The following LRPPRC variants were observed in gnomAD, a reference collection of about 807,000 sequenced individuals.
The protein encoded by LRPPRC is leucine rich pentatricopeptide repeat containing.
Under a neutral mutation model 180.3 loss-of-function variants are expected in LRPPRC, and 120 were observed. That is an observed-to-expected ratio of 0.67 (90% CI 0.57 to 0.77). LRPPRC has a LOEUF of 0.77. Among genes scored for constraint, LRPPRC ranks in the 30% least tolerant of loss-of-function variants. The pLI is 0.00. For missense variants in LRPPRC, 2,012 were observed against 1,657.2 expected (o/e 1.21, Z -3.72); for synonymous variants, 723 against 600.0 (o/e 1.21, Z -3.00).
chr2:43,995,298 A>G (rs1674982225), intron 1 of LRPPRC, among the ~76,000 whole-genome samples: 1 of 152,194 alleles, frequency 6.6e-6, no homozygotes, highest in African/African-American at 2.4e-5. Flanking sequence ...ATCATAATCC[A>G]GCGTCCAGCT....
At chr2:43,981,001 C>T (rs1018879094) in intron 2 of LRPPRC, among the ~76,000 whole-genome samples, 4 of 151,958 alleles carry the variant, frequency 2.6e-5, no homozygotes, top group Non-Finnish European at 5.9e-5. Flanking sequence ...TATCTCTCAC[C>T]ATCAGATTTT....
chr2:43,893,460 C>A (rs1189583227), intron 36 of LRPPRC, among the ~76,000 whole-genome samples: 1 of 152,322 alleles, frequency 6.6e-6, no homozygotes, highest in East Asian at 1.9e-4. Flanking sequence ...CCTGATCATT[C>A]AGCAGCCATC....
chr2:43,986,713 G>A (rs1316400302), intron 1 of LRPPRC, among the ~76,000 whole-genome samples: 6 of 151,888 alleles, frequency 4.0e-5, no homozygotes, highest in Non-Finnish European at 7.4e-5. Context: ...ATTCTGAGAC[G>A]GTCTCATTCT....
intron 29 of LRPPRC, among the ~76,000 whole-genome samples, chr2:43,915,171 G>A (rs1378630276): frequency 6.9e-6 from 1 of 144,304 alleles, no homozygotes; most frequent in Non-Finnish European, 1.5e-5. Flanking sequence ...TTGCGCCACT[G>A]CACTCCGGCC....
intron 36 of LRPPRC, among the ~76,000 whole-genome samples, chr2:43,892,187 G>A (rs1051085422): frequency 2.7e-4 from 41 of 152,158 alleles, no homozygotes; most frequent in Admixed American, 3.9e-4. Context: ...TGATGAAGGC[G>A]GCTACACTAA....
intron 30 of LRPPRC, among the ~76,000 whole-genome samples, chr2:43,906,213 T>C (rs1472045292): frequency 6.6e-6 from 1 of 152,208 alleles, no homozygotes; most frequent in Non-Finnish European, 1.5e-5. Flanking sequence ...CTGTACATTT[T>C]AAATAAAAAC....
At chr2:43,917,275 G>C (rs992263736) in intron 29 of LRPPRC, among the ~76,000 whole-genome samples, 7 of 151,712 alleles carry the variant, frequency 4.6e-5, no homozygotes, top group Non-Finnish European at 1.0e-4. Context: ...TCTTGACTTC[G>C]TGATCTGCCA....
rs375852490 is a variant in LRPPRC, at chr2:43,960,522, G to A, written c.1582+19C>T. The stretch of plus-strand genomic sequence containing the variant: ...GAAATAAACATCTATCAAGTTTACC[G>A]CTAATGTTGTATACTTACAAAATGA... On this transcript the variant is annotated intron_variant, in intron 13 of 37. Transcript: ENST00000260665. 2.7e-5 allele frequency: 34 copies of A among 1,276,912 alleles called. No individual in the cohort carries two copies. Among genetic ancestry groups the A allele is most frequent in the African/African-American group, 1.5e-4 (10 of 68,458 alleles). The allele number at this position is 1,276,912 out of a possible 1,614,324, so 79.1% of individuals were successfully genotyped here.
intron 29 of LRPPRC, among the ~76,000 whole-genome samples, 182 bp downstream of exon 29, chr2:43,917,843 G>C (rs182136512): frequency 1.8e-3 from 276 of 152,164 alleles, no homozygotes; most frequent in Non-Finnish European, 3.3e-3. Flanking sequence ...TCAGTCAATA[G>C]TTAAATTTTC....
At position 43,974,706 on chromosome 2, in the gene LRPPRC, A is replaced by C; in HGVS notation, c.917T>G (p.Leu306Arg). ...TTTACTGAAGCTAAAAATAATTTGC[A>C]GTAAATCACGGTCCATAAGGTGAAG... ...SELHLMDRDLLQIIFSFSKAG... is the reference protein window; with the variant it reads ...SELHLMDRDLRQIIFSFSKAG... The change falls in exon 8 of 38, where the codon CTG (leucine) becomes CGG (arginine). Residue 306 changes from leucine (L) to arginine (R), a missense_variant. Physicochemically the swap from Leu to Arg is moderately radical, Grantham distance 102 (BLOSUM62 -2). Transcript: ENST00000260665. 6.2e-7 allele frequency: 1 copy of C among 1,613,614 alleles called. No individual in the cohort carries two copies. The highest frequency in any genetic ancestry group is 8.5e-7 in the Non-Finnish European group (1 of 1,179,570).
intron 8 of LRPPRC, 25 bp downstream of exon 8, chr2:43,974,589 T>A (rs1330221940): frequency 7.0e-7 from 1 of 1,429,382 alleles, no homozygotes. Context: ...ATAAAAATCA[T>A]GTAAATAGAT....
At chr2:43,897,610 C>T (rs1670731439) in intron 34 of LRPPRC, among the ~76,000 whole-genome samples, 1 of 152,090 alleles carries the variant, frequency 6.6e-6, no homozygotes, top group Non-Finnish European at 1.5e-5. Context: ...AAGGGTTTAT[C>T]ATCTGAAACC....
chr2:43,976,923 A>C, intron 5 of LRPPRC, 71 bp downstream of exon 5: 1 of 1,255,822 alleles, frequency 8.0e-7, no homozygotes. Flanking sequence ...TTTAAAACAA[A>C]GAGTGAACAG....
chr2:43,996,005 T>TGACC (rs1252881997), upstream of LRPPRC: 15 of 1,510,250 alleles, frequency 9.9e-6, no homozygotes, highest in African/African-American at 2.0e-4. Context: ...GAGGAGCATG[T>TGACC]GACCGCAGGG....
At chr2:43,954,655 A>G (rs1305627985) in intron 14 of LRPPRC, among the ~76,000 whole-genome samples, 1 of 152,222 alleles carries the variant, frequency 6.6e-6, no homozygotes, top group Non-Finnish European at 1.5e-5. Flanking sequence ...TATATATAAT[A>G]TATATGTACA....
chr2:43,939,528 T>A (rs560199699), intron 23 of LRPPRC, among the ~76,000 whole-genome samples: 3 of 151,976 alleles, frequency 2.0e-5, no homozygotes, highest in African/African-American at 7.2e-5. Context: ...CAAACTGAAC[T>A]CCTTAAAAAC....
At chr2:43,951,441 G>T (rs1008602170) in intron 14 of LRPPRC, among the ~76,000 whole-genome samples, 1 of 152,174 alleles carries the variant, frequency 6.6e-6, no homozygotes, top group Non-Finnish European at 1.5e-5. Context: ...ATATTAAGTG[G>T]TAAAACTTGC....
chr2:43,960,499 A>T (rs372954163), intron 13 of LRPPRC, 42 bp downstream of exon 13: 2 of 1,070,022 alleles, frequency 1.9e-6, no homozygotes, highest in African/African-American at 3.1e-5. Context: ...TAGTAACTGA[A>T]ATAAACATCT....
At chr2:43,946,324 T>C (rs1672680860) in intron 20 of LRPPRC, 81 bp from the exon 21 acceptor site, 3 of 1,113,000 alleles carry the variant, frequency 2.7e-6, no homozygotes, top group Middle Eastern at 2.0e-4. Flanking sequence ...CTGTTCAGAG[T>C]TTAGAAAAAG....
Sources: allele counts gnomAD v4.1 joint callset (sites outside exome capture counted in the v4.1 genomes callset), GRCh38; gene constraint gnomAD v4.1.1; transcripts MANE v1.5; gene names NCBI Gene and HGNC (gene_info 2026-07-23, HGNC 2026-07-21).